PACS2: variants seen among roughly 807,000 people sequenced by gnomAD.
PACS2 encodes the protein PACS1-like protein.
Under a neutral mutation model 113.0 loss-of-function variants are expected in PACS2, and 36 were observed. The observed-to-expected ratio is 0.32, with a 90% CI of 0.24 to 0.42. PACS2 has a LOEUF of 0.42. PACS2 is among the 10% of genes least tolerant of loss of function. PACS2 has a pLI of 1.00. For synonymous variants in PACS2, 589 were observed against 536.1 expected (o/e 1.10, Z -1.36); for missense variants, 1,015 against 1,239.5 (o/e 0.82, Z 2.72).
In PACS2 at chr14:105,358,182, G is replaced by A. The variant is rs2060528395; in HGVS notation, c.423+3005G>A. On this transcript the variant is annotated intron_variant, in intron 4 of 24. Coordinates refer to ENST00000447393, the MANE Select transcript of PACS2 (RefSeq NM_001100913.3). The surrounding 1 kb of genome is among the most constrained non-coding windows in gnomAD (Gnocchi z 4.9). ...AGAGCCCTGGACTTACTCTGAGGCT[G>A]AGGAAGTGGAGTCCAAGGTGGCCCA... Among the ~76,000 whole-genome samples the A allele has an allele frequency of 6.6e-6, 1 of 152,230 alleles. No individual in the cohort carries two copies. The highest frequency in any genetic ancestry group is 1.5e-5 in the Non-Finnish European group (1 of 68,034).
Position 105,315,051 on chromosome 14 carries a change from G to A in PACS2, c.119+14G>A. The A allele has an allele frequency of 3.4e-6, 4 of 1,163,712 alleles. No individual in the cohort carries two copies. The highest frequency in any genetic ancestry group is 3.6e-4 in the Middle Eastern group (1 of 2,782). The allele number at this position is 1,163,712 out of a possible 1,614,324, so 72.1% of individuals were successfully genotyped here. Reference sequence around the variant, plus strand: ...CTGCGTGCCCAGGTACGCGCCGCCCGCCGCGCTTTGTTCCCGCCGGGCACC... The same window carrying A: ...CTGCGTGCCCAGGTACGCGCCGCCCACCGCGCTTTGTTCCCGCCGGGCACC... On this transcript the variant is annotated intron_variant, in intron 1 of 24. Transcript: ENST00000447393. This position sits in a 1 kb window ranked among gnomAD's most constrained non-coding sequence, Gnocchi z 4.4.
In PACS2 at chr14:105,383,273, C is replaced by T. The variant is rs782221658; in HGVS notation, c.1626-86C>T. ...TGAGCGGCCACAGGCACGGAGCCCC[C>T]TGGGCTCACACTGGCATCCTTGGAT... On this transcript the variant is annotated intron_variant, in intron 15 of 24. Transcript: ENST00000447393. 7 of 1,484,532 alleles carry T rather than the reference C, an allele frequency of 4.7e-6. No homozygotes were observed. In the Admixed American group the frequency reaches 1.0e-4, roughly 21 times the overall value. 92.0% of individuals were successfully genotyped at this position (1,484,532 alleles called of 1,614,324 possible).
At position 105,368,123 on chromosome 14, in the gene PACS2, C is replaced by G; in HGVS notation, c.636C>G (p.Ala212=). ...AGAGCTTCTCCTCCGAGCAGGAGGC[C>G]AGTGACGACGCCGTGCAGGGGCAGG... ...EYESFSSEQE[A]SDDAVQGQDL... The change falls in exon 6 of 25, where the codon GCC becomes GCG. Residue 212 remains alanine (A), a synonymous_variant. Transcript: ENST00000447393. 6.2e-7 allele frequency: 1 copy of G among 1,610,594 alleles called. No individual in the cohort carries two copies. Among genetic ancestry groups the G allele is most frequent in the Non-Finnish European group, 8.5e-7 (1 of 1,178,404 alleles).
At chr14:105,379,974 AC>A in intron 10 of PACS2, 105 bp from the exon 11 acceptor site, 1 of 1,317,940 alleles carries the variant, frequency 7.6e-7, no homozygotes. Context: ...GCACACTGCC[AC>A]GCAGGTACCC....
At position 105,390,925 on chromosome 14, in the gene PACS2, ACTGCACACATAGTTTGCAG is replaced by A. The variant is rs1555414645; in HGVS notation, c.2077-277_2077-259del. The A allele has an allele frequency of 6.0e-6, 3 of 499,096 alleles. No homozygotes were observed. The East Asian group carries it at 1.0e-4, about 17-fold the overall frequency. The allele number at this position is 499,096 out of a possible 1,614,324, so 30.9% of individuals were successfully genotyped here. ...TCCCTCTCACCAGCGTCCTGTTTTT[ACTGCACACATAGTTTGCAG>A]CTGCCCTGAGGGCCGACTTTAGAGA... is the stretch of plus-strand genomic sequence containing the variant. On this transcript the variant is annotated intron_variant, in intron 20 of 24. Transcript: ENST00000447393.
chr14:105,345,704 T>C (rs2059897345), intron 1 of PACS2, among the ~76,000 whole-genome samples: 1 of 152,256 alleles, frequency 6.6e-6, no homozygotes, highest in Non-Finnish European at 1.5e-5. Context: ...GTATTCTTTG[T>C]ATGATATCAG....
rs941712052 is a variant in PACS2 at position 105,344,805 on chromosome 14, T to C, written c.120-3688T>C. ...GCTTACTTGGGGTTTAATATGTTCT[T>C]CTAGTTTCTTAAGATGGAACCTTAG... is the stretch of plus-strand genomic sequence containing the variant. On this transcript the variant is annotated intron_variant, in intron 1 of 24. Coordinates refer to ENST00000447393, the MANE Select transcript of PACS2 (RefSeq NM_001100913.3). Among the ~76,000 whole-genome samples the C allele has an allele frequency of 1.4e-4, 21 of 152,214 alleles. 1 individual carries two copies. Among genetic ancestry groups the C allele is most frequent in the Admixed American group, 2.0e-4 (3 of 15,276 alleles).
intron 1 of PACS2, among the ~76,000 whole-genome samples, chr14:105,316,941 C>T (rs1017708261): frequency 7.9e-5 from 12 of 152,132 alleles, no homozygotes; most frequent in Admixed American, 2.0e-4. Context: ...GCAGTTTGTT[C>T]GTAGGACATG....
rs1008236198 is a variant in PACS2 at position 105,394,824 on chromosome 14, G to A, written c.*152G>A. On this transcript the variant is annotated 3_prime_UTR_variant, in exon 25 of 25. Coordinates refer to ENST00000447393, the MANE Select transcript of PACS2 (RefSeq NM_001100913.3). ...ATGTGCTCACAACGTGGAAACTAAC[G>A]GGGGAGCTCCTGCCAGGAGCCGAAT... 1.6e-5 allele frequency: 10 copies of A among 636,568 alleles called. No homozygotes were observed. The highest frequency in any genetic ancestry group is 3.6e-5 in the African/African-American group (2 of 55,214). 39.4% of individuals were successfully genotyped at this position (636,568 alleles called of 1,614,324 possible). A position where few individuals can be genotyped will look rare whatever the true frequency, so the allele number is the denominator to read the frequency against.
chr14:105,329,511 G>A lies in PACS2; in HGVS notation c.119+14474G>A, dbSNP rs868050099. ...CTCCAGGAGCTCTGGGAGAGTCTAG[G>A]ATGCTCTAGATCCTTGGGCTCATGG... On this transcript the variant is annotated intron_variant, in intron 1 of 24. Transcript: ENST00000447393. This position sits in a 1 kb window ranked among gnomAD's most constrained non-coding sequence, Gnocchi z 6.4. 3.3e-5 allele frequency among the ~76,000 whole-genome samples: 5 copies of A among 152,158 alleles called. 1 individual carries two copies. The highest frequency in any genetic ancestry group is 3.2e-3 in the Middle Eastern group (1 of 316).
intron 1 of PACS2, among the ~76,000 whole-genome samples, chr14:105,337,541 G>A (rs75068015): frequency 0.016 from 2,398 of 152,312 alleles, 63 homozygotes; most frequent in African/African-American, 0.053. Context: ...AAACAGTTAA[G>A]TCCCAAAGCC....
rs1206158138 is a variant in PACS2 at position 105,379,772 on chromosome 14, G to A, written c.993G>A (p.Ser331=). 25 of 1,613,546 alleles carry A rather than the reference G, an allele frequency of 1.5e-5. No homozygotes were observed. The highest frequency in any genetic ancestry group is 2.2e-5 in the East Asian group (1 of 44,892). ...PYFEGLSHSS[S]QTEIGSIHSA... is the part of the protein sequence containing the mutation. ...TTGAAGGCCTGTCGCACTCGAGCTC[G>A]CAGACGGAGATTGGGAGCATCCACA... Residue 331 remains serine (S), a synonymous_variant, in exon 10 of 25, where the codon TCG becomes TCA. Transcript: ENST00000447393.
chr14:105,381,203 G>A, intron 12 of PACS2, 104 bp downstream of exon 12: 1 of 952,682 alleles, frequency 1.0e-6, no homozygotes, highest in African/African-American at 1.6e-5. Flanking sequence ...ATCCTGATGA[G>A]CTCCCTCGGG....
rs1311501834 is a variant in PACS2, at chr14:105,354,314, G to T, written c.298-738G>T. Among the ~76,000 whole-genome samples the T allele has an allele frequency of 5.3e-5, 8 of 151,988 alleles. No individual in the cohort carries two copies. Among genetic ancestry groups the T allele is most frequent in the African/African-American group, 1.9e-4 (8 of 41,398 alleles). On this transcript the variant is annotated intron_variant, in intron 3 of 24. Coordinates refer to ENST00000447393, the MANE Select transcript of PACS2 (RefSeq NM_001100913.3). The surrounding 1 kb of genome is among the most constrained non-coding windows in gnomAD (Gnocchi z 4.2). ...ATGGGGTTTTGCCATGTTGGCTAGG[G>T]TGGTCTCGAACTCCCTACCTCAGGT...
chr14:105,381,121 G>A (rs1555411917), intron 12 of PACS2, 22 bp downstream of exon 12: 1 of 1,602,686 alleles, frequency 6.2e-7, no homozygotes, highest in Admixed American at 1.7e-5. Context: ...TGCACGGCGG[G>A]GCGGGGCGGT....
chr14:105,306,896 G>A (rs1049375574), intron 1 of PACS2, among the ~76,000 whole-genome samples: 2 of 152,144 alleles, frequency 1.3e-5, no homozygotes, highest in African/African-American at 4.8e-5. Context: ...GTGAGCCACC[G>A]TGCCAAGCCC....
Position 105,348,633 on chromosome 14 carries a change from G to C in PACS2, c.207+53G>C. 1.5e-6 allele frequency: 2 copies of C among 1,299,248 alleles called. No individual in the cohort carries two copies. Among genetic ancestry groups the C allele is most frequent in the Non-Finnish European group, 2.2e-6 (2 of 898,966 alleles). 80.5% of individuals were successfully genotyped at this position (1,299,248 alleles called of 1,614,324 possible). A position where few individuals can be genotyped will look rare whatever the true frequency, so the allele number is the denominator to read the frequency against. On this transcript the variant is annotated intron_variant, in intron 2 of 24. Transcript: ENST00000447393. The surrounding 1 kb of genome is among the most constrained non-coding windows in gnomAD (Gnocchi z 6.4). ...GCTGGGTGCTGTGTAGGCTTTCCAT[G>C]TGCCTGGGAGACGAGTCAGGCGGTG...
intron 1 of PACS2, among the ~76,000 whole-genome samples, chr14:105,346,147 A>C (rs2059909845): frequency 6.6e-6 from 1 of 152,066 alleles, no homozygotes; most frequent in Non-Finnish European, 1.5e-5. Context: ...TGTCACACTC[A>C]TTGTTTAAGC....
chr14:105,381,208 C>G (rs2080982199), intron 12 of PACS2, 109 bp downstream of exon 12: 1 of 922,922 alleles, frequency 1.1e-6, no homozygotes, highest in Non-Finnish European at 1.6e-6. Context: ...GATGAGCTCC[C>G]TCGGGTGTAG....
Sources: gnomAD v4.1 joint callset for allele counts (sites outside exome capture counted in the v4.1 genomes callset) on GRCh38, gnomAD v4.1.1 for gene constraint, Gnocchi (gnomAD v3.1) non-coding constraint, MANE v1.5 for transcripts, NCBI Gene and HGNC (gene_info 2026-07-23, HGNC 2026-07-21) for gene names.